Variants in MGST1 observed in about 807,000 individuals in gnomAD.
The protein encoded by MGST1 is glutathione S-transferase 12.
Under a neutral mutation model 8.9 loss-of-function variants are expected in MGST1, and 5 were observed. That is an observed-to-expected ratio of 0.56 (90% CI 0.29 to 1.19). The LOEUF (loss-of-function observed/expected upper bound fraction) is 1.19, where lower values mean the gene tolerates loss of function less well. Ranked by LOEUF, MGST1 falls within the 50% of genes most tolerant of loss-of-function variation. MGST1 has a pLI of 0.08. For missense variants in MGST1, 182 were observed against 187.4 expected (o/e 0.97, Z 0.17); for synonymous variants, 54 against 67.8 (o/e 0.80, Z 1.00).
At position 16,401,429 on chromosome 12, in the gene MGST1, C is replaced by T. The variant is rs896959971; in HGVS notation, n.778+17825C>T. On this transcript the variant is annotated intron_variant and non_coding_transcript_variant, in intron 1 of 1. Coordinates refer to the MGST1 transcript ENST00000359720. This position sits in a 1 kb window ranked among gnomAD's most constrained non-coding sequence, Gnocchi z 4.3. ...AGTTCTGGCTTCTGCTTTTTAGCCACGTCCATGACAGCATTATATACATCA... is the reference window on the plus strand; with the variant it reads ...AGTTCTGGCTTCTGCTTTTTAGCCATGTCCATGACAGCATTATATACATCA... 27 of 882,316 alleles carry T rather than the reference C, an allele frequency of 3.1e-5. No homozygotes were observed. Among genetic ancestry groups the T allele is most frequent in the Middle Eastern group, 2.5e-4 (1 of 3,934 alleles). 54.7% of individuals were successfully genotyped at this position (882,316 alleles called of 1,614,324 possible).
intron 4 of MGST1, among the ~76,000 whole-genome samples, chr12:16,567,856 G>T (rs1942670738): frequency 6.6e-6 from 1 of 152,038 alleles, no homozygotes; most frequent in Non-Finnish European, 1.5e-5. Flanking sequence ...GGCAGCAGTG[G>T]GTGCTCAAGC....
At chr12:16,396,305 T>C (rs1940604820) in intron 1 of MGST1, among the ~76,000 whole-genome samples, 1 of 152,156 alleles carries the variant, frequency 6.6e-6, no homozygotes, top group Non-Finnish European at 1.5e-5. Flanking sequence ...AAAAGTCATC[T>C]ATGACAAACC....
chr12:16,371,549 A>G (rs1293538158), intron 3 of MGST1, among the ~76,000 whole-genome samples: 1 of 152,070 alleles, frequency 6.6e-6, no homozygotes, highest in Non-Finnish European at 1.5e-5. Context: ...ACAATGATCA[A>G]TGGTTTTTAC....
downstream of MGST1, among the ~76,000 whole-genome samples, chr12:16,440,793 T>C (rs930867175): frequency 6.6e-6 from 1 of 151,940 alleles, no homozygotes; most frequent in African/African-American, 2.4e-5. Flanking sequence ...ATAGAATTGG[T>C]TTTTATTTAC....
intron 3 of MGST1, chr12:16,370,514 T>C (rs1489403077): frequency 6.6e-6 from 1 of 152,186 alleles, no homozygotes; most frequent in Non-Finnish European, 1.5e-5. Flanking sequence ...TATATTATCT[T>C]CTATGGGTTG....
chr12:16,356,576 T>C lies in MGST1; in HGVS notation c.127-1029T>C, dbSNP rs377244712. Among the ~76,000 whole-genome samples the C allele has an allele frequency of 1.2e-4, 19 of 152,296 alleles. No homozygotes were observed. The South Asian group carries it at 3.5e-3, about 28-fold the overall frequency. On this transcript the variant is annotated intron_variant, in intron 2 of 3. Transcript: ENST00000396210. ...AATGAGATTAATTTTGCAGTTTGTG[T>C]TTTTCTCTGCCATCAATTATTAAAT...
intron 4 of MGST1, among the ~76,000 whole-genome samples, chr12:16,557,085 A>G (rs1159135447): frequency 2.0e-5 from 3 of 152,178 alleles, no homozygotes; most frequent in African/African-American, 2.4e-5. Flanking sequence ...TTTTATTTCA[A>G]TGGTGAAATA....
At chr12:16,370,967 A>G (rs1591708806) in intron 3 of MGST1, among the ~76,000 whole-genome samples, 1 of 152,180 alleles carries the variant, frequency 6.6e-6, no homozygotes, top group African/African-American at 2.4e-5. Flanking sequence ...CAGAATAATA[A>G]TCTTTAATTT....
At position 16,502,097 on chromosome 12, in the gene MGST1, G is replaced by A. The variant is rs528693291; in HGVS notation, n.483-87431G>A. On this transcript the variant is annotated intron_variant and non_coding_transcript_variant, in intron 4 of 4. Coordinates refer to the MGST1 transcript ENST00000538857. ...TTGCTGTTTATTTTATATGATTGTCGAAGACAAATGAATTCCAAGGTACAA... is the reference window on the plus strand; with the variant it reads ...TTGCTGTTTATTTTATATGATTGTCAAAGACAAATGAATTCCAAGGTACAA... 4.0e-4 allele frequency among the ~76,000 whole-genome samples: 61 copies of A among 152,098 alleles called. No homozygotes were observed. In the South Asian group the frequency reaches 0.012, roughly 30 times the overall value.
chr12:16,558,671 T>G (rs1372847655), intron 4 of MGST1, among the ~76,000 whole-genome samples: 1 of 152,114 alleles, frequency 6.6e-6, no homozygotes, highest in Admixed American at 6.5e-5. Context: ...AGATAACATC[T>G]TACATGACTG....
At chr12:16,404,930 G>A (rs916522296) in intron 1 of MGST1, among the ~76,000 whole-genome samples, 1 of 152,024 alleles carries the variant, frequency 6.6e-6, no homozygotes, top group African/African-American at 2.4e-5. Context: ...TCTAAGAACT[G>A]TCTGGTAAAT....
intron 4 of MGST1, among the ~76,000 whole-genome samples, chr12:16,563,609 C>T (rs140366830): frequency 1.6e-3 from 247 of 152,210 alleles, no homozygotes; most frequent in African/African-American, 5.7e-3. Context: ...GCACTCTTTA[C>T]TCCCACACTC....
intron 4 of MGST1, among the ~76,000 whole-genome samples, chr12:16,541,375 A>G (rs1388997171): frequency 6.6e-6 from 1 of 152,182 alleles, no homozygotes; most frequent in Non-Finnish European, 1.5e-5. Context: ...TTATCTCCTC[A>G]AGGTGAAATA....
At chr12:16,397,699 T>TGA (rs1167630433) in intron 1 of MGST1, among the ~76,000 whole-genome samples, 1 of 150,104 alleles carries the variant, frequency 6.7e-6, no homozygotes, top group Non-Finnish European at 1.5e-5. Context: ...ACATCACTAA[T>TGA]GATCAGTAAT....
chr12:16,450,294 A>G (rs1292177454), intron 4 of MGST1, among the ~76,000 whole-genome samples: 2 of 151,906 alleles, frequency 1.3e-5, no homozygotes, highest in Admixed American at 1.3e-4. Context: ...CTCTCATCAC[A>G]TAAAGCAATA....
chr12:16,400,495 A>G (rs1940645249), intron 1 of MGST1: 2 of 807,538 alleles, frequency 2.5e-6, no homozygotes, highest in Non-Finnish European at 2.2e-6. Context: ...TTGTTTTACA[A>G]TGCCCTCCTT....
intron 4 of MGST1, among the ~76,000 whole-genome samples, chr12:16,446,530 T>C (rs990211421): frequency 6.6e-6 from 1 of 151,940 alleles, no homozygotes; most frequent in Non-Finnish European, 1.5e-5. Flanking sequence ...AGATGCTGTA[T>C]TCTATTAACC....
chr12:16,450,021 G>A (rs1171478586), intron 4 of MGST1, among the ~76,000 whole-genome samples: 1 of 151,914 alleles, frequency 6.6e-6, no homozygotes, highest in Admixed American at 6.6e-5. Flanking sequence ...AGTTCCCTGA[G>A]TAAAGACTCT....
chr12:16,380,787 T>A (rs1940445652), downstream of MGST1, among the ~76,000 whole-genome samples: 1 of 152,194 alleles, frequency 6.6e-6, no homozygotes, highest in Non-Finnish European at 1.5e-5. Context: ...TAAGTCTCTT[T>A]GTAGGTCACT....
Sources: allele counts gnomAD v4.1 joint callset (sites outside exome capture counted in the v4.1 genomes callset), GRCh38; gene constraint gnomAD v4.1.1; non-coding constraint Gnocchi (gnomAD v3.1); transcripts MANE v1.5; gene names NCBI Gene and HGNC (gene_info 2026-07-23, HGNC 2026-07-21).